LIN28B: variants seen among roughly 807,000 people sequenced by gnomAD.
LIN28B encodes the protein protein lin-28 homolog B.
A neutral mutation model predicts 21.9 loss-of-function variants in LIN28B; 5 were observed. The observed-to-expected ratio is 0.23, with a 90% CI of 0.12 to 0.48. The LOEUF (loss-of-function observed/expected upper bound fraction) is 0.48, where lower values mean the gene tolerates loss of function less well. LIN28B is among the 20% of genes least tolerant of loss of function. The pLI is 0.98. For synonymous variants in LIN28B, 109 were observed against 111.3 expected (o/e 0.98, Z 0.13); for missense variants, 245 against 310.5 (o/e 0.79, Z 1.58).
upstream of LIN28B, among the ~76,000 whole-genome samples, chr6:104,953,897 C>G (rs1778252659): frequency 6.6e-6 from 1 of 152,166 alleles, no homozygotes; most frequent in African/African-American, 2.4e-5. Flanking sequence ...TAACAGAAGT[C>G]ACTCATTCCT....
At chr6:105,007,255 AG>A (rs1407003981) in intron 2 of LIN28B, among the ~76,000 whole-genome samples, 1 of 152,236 alleles carries the variant, frequency 6.6e-6, no homozygotes, top group Non-Finnish European at 1.5e-5. Flanking sequence ...TTATTGAAAC[AG>A]TTTCAATTTG....
intron 2 of LIN28B, among the ~76,000 whole-genome samples, chr6:104,975,717 G>A: frequency 6.6e-6 from 1 of 151,720 alleles, no homozygotes; most frequent in East Asian, 1.9e-4. Context: ...GGTGTGGTGT[G>A]ATCATGGCTC....
intron 3 of LIN28B, among the ~76,000 whole-genome samples, chr6:105,027,723 A>G (rs1308986645): frequency 6.6e-6 from 1 of 151,988 alleles, no homozygotes; most frequent in Non-Finnish European, 1.5e-5. Flanking sequence ...TGCTATATTC[A>G]TTTATGTTTT....
rs112180054 is a variant in LIN28B, at chr6:105,053,382, G to GGTGTGTGTGT, written c.384-25010_384-25001dup. Among the ~76,000 whole-genome samples, 145 of 146,636 alleles carry GGTGTGTGTGT rather than the reference G, an allele frequency of 9.9e-4. 1 individual carries two copies. The highest frequency in any genetic ancestry group is 2.5e-3 in the African/African-American group (98 of 39,762). On this transcript the variant is annotated intron_variant, in intron 3 of 3. Transcript: ENST00000345080. ...AGTGTAGCCCAAATCTATGTCTTAT[G>GGTGTGTGTGT]GTGTGTGTGTGTGTGTGTGTGTGTG...
chr6:104,957,300 C>G, intron 1 of LIN28B, 40 bp downstream of exon 1: 1 of 1,470,648 alleles, frequency 6.8e-7, no homozygotes, highest in Non-Finnish European at 9.5e-7. Flanking sequence ...GAATTTCTTT[C>G]TTCTTTTCTC....
chr6:105,052,606 T>C, intron 3 of LIN28B, among the ~76,000 whole-genome samples: 1 of 152,224 alleles, frequency 6.6e-6, no homozygotes, highest in East Asian at 1.9e-4. Flanking sequence ...TCATTGAAGA[T>C]CAATTTTCTT....
At chr6:104,943,917 C>G (rs966979144) in intron 2 of LIN28B, among the ~76,000 whole-genome samples, 1 of 152,088 alleles carries the variant, frequency 6.6e-6, no homozygotes, top group Non-Finnish European at 1.5e-5. Flanking sequence ...TTTTGAGAAA[C>G]TTGCCCACCA....
intron 2 of LIN28B, 75 bp downstream of exon 2, chr6:104,958,361 C>T (rs1769624347): frequency 4.3e-5 from 51 of 1,178,814 alleles, no homozygotes; most frequent in Non-Finnish European, 5.8e-5. Context: ...TGCCAATAGA[C>T]GTACGATAAG....
intron 3 of LIN28B, among the ~76,000 whole-genome samples, chr6:105,054,005 A>G (rs142906066): frequency 0.034 from 5,096 of 152,000 alleles, 117 homozygotes; most frequent in Middle Eastern, 0.058. Flanking sequence ...CGGCCTCCCA[A>G]AGTACTGGGA....
intron 2 of LIN28B, among the ~76,000 whole-genome samples, chr6:105,023,402 TA>T (rs1318473072): frequency 3.4e-4 from 1 of 2,966 alleles, no homozygotes; most frequent in African/African-American, 9.7e-4. Context: ...ATAATATATA[TA>T]ATTATATTAT....
chr6:104,962,444 C>T (rs1769766404), intron 2 of LIN28B, among the ~76,000 whole-genome samples: 1 of 151,662 alleles, frequency 6.6e-6, no homozygotes, highest in South Asian at 2.1e-4. Flanking sequence ...TTCAAATGCC[C>T]ACATTAGAAA....
chr6:105,032,213 A>T (rs765722443), intron 3 of LIN28B, among the ~76,000 whole-genome samples: 1 of 152,118 alleles, frequency 6.6e-6, no homozygotes, highest in Non-Finnish European at 1.5e-5. Flanking sequence ...GACAATTATG[A>T]ATAGAACAGC....
chr6:104,952,277 G>C (rs1261066248), upstream of LIN28B, among the ~76,000 whole-genome samples: 2 of 152,168 alleles, frequency 1.3e-5, no homozygotes, highest in Non-Finnish European at 2.9e-5. Flanking sequence ...TGTTCAAGTA[G>C]TACAGTTGAA....
intron 2 of LIN28B, among the ~76,000 whole-genome samples, chr6:105,003,312 A>G (rs1466881608): frequency 1.3e-5 from 2 of 152,310 alleles, no homozygotes; most frequent in Admixed American, 6.5e-5. Flanking sequence ...TGTAAAGCTG[A>G]TAAGTGTAAT....
chr6:105,010,317 T>G (rs1204262903), intron 2 of LIN28B, among the ~76,000 whole-genome samples: 3 of 150,438 alleles, frequency 2.0e-5, no homozygotes, highest in African/African-American at 7.4e-5. Flanking sequence ...GAGCTGAGAT[T>G]ATGCTACTAC....
intron 3 of LIN28B, among the ~76,000 whole-genome samples, chr6:105,070,634 A>ACACACACACACACACG (rs1206857492): frequency 2.0e-5 from 3 of 151,052 alleles, no homozygotes; most frequent in East Asian, 4.0e-4. Flanking sequence ...ACACACACAC[A>ACACACACACACACACG]CACACACTGG....
chr6:105,009,278 T>C (rs1770876799), intron 2 of LIN28B, among the ~76,000 whole-genome samples: 1 of 152,220 alleles, frequency 6.6e-6, no homozygotes, highest in African/African-American at 2.4e-5. Context: ...GCATGTTATA[T>C]GTTACAGATT....
intron 3 of LIN28B, among the ~76,000 whole-genome samples, chr6:105,026,925 T>C (rs1422739611): frequency 6.6e-6 from 1 of 152,062 alleles, no homozygotes; most frequent in Non-Finnish European, 1.5e-5. Flanking sequence ...ATCCTAGAGG[T>C]GGGAATTATA....
At chr6:105,021,714 A>G (rs1445164614) in intron 2 of LIN28B, among the ~76,000 whole-genome samples, 1 of 152,180 alleles carries the variant, frequency 6.6e-6, no homozygotes, top group Non-Finnish European at 1.5e-5. Flanking sequence ...TATTCTGGAT[A>G]TTAATCTACC....
Sources: gnomAD v4.1 joint callset for allele counts (sites outside exome capture counted in the v4.1 genomes callset) on GRCh38, gnomAD v4.1.1 for gene constraint, MANE v1.5 for transcripts, NCBI Gene and HGNC (gene_info 2026-07-23, HGNC 2026-07-21) for gene names.